Variants in ALPK1 observed in about 807,000 individuals in gnomAD.
The protein encoded by ALPK1 is alpha kinase 1.
A neutral mutation model predicts 120.6 loss-of-function variants in ALPK1; 110 were observed. The observed-to-expected ratio is 0.91, with a 90% CI of 0.78 to 1.07. ALPK1 has a LOEUF of 1.07. Among genes scored for constraint, ALPK1 ranks in the 50% least tolerant of loss-of-function variants. The pLI is 0.00. For missense variants in ALPK1, 1,498 were observed against 1,483.9 expected, an observed-to-expected ratio of 1.01 and a Z score of -0.16; for synonymous variants, 582 against 560.3, an observed-to-expected ratio of 1.04 and a Z score of -0.55.
intron 2 of ALPK1, among the ~76,000 whole-genome samples, chr4:112,376,608 C>T (rs1413725695): frequency 6.6e-6 from 1 of 152,184 alleles, no homozygotes; most frequent in Non-Finnish European, 1.5e-5. Context: ...GTTAAGAAAC[C>T]ATTGGCTAGT....
intron 2 of ALPK1, among the ~76,000 whole-genome samples, chr4:112,362,945 CA>C (rs1347765715): frequency 2.6e-5 from 4 of 152,248 alleles, no homozygotes; most frequent in East Asian, 3.9e-4. Flanking sequence ...CCTCCTTAAA[CA>C]AAACAGTTGT....
intron 5 of ALPK1, among the ~76,000 whole-genome samples, chr4:112,422,788 T>C (rs1345442950): frequency 6.6e-6 from 1 of 152,238 alleles, no homozygotes; most frequent in Non-Finnish European, 1.5e-5. Context: ...GGCTGCCAGC[T>C]AAGAGCCAAG....
chr4:112,415,704 T>A (rs58390535), intron 5 of ALPK1, among the ~76,000 whole-genome samples: 2,606 of 151,692 alleles, frequency 0.017, 72 homozygotes, highest in African/African-American at 0.059. Context: ...GATGGGGAAT[T>A]CCCCACAGAA....
At chr4:112,368,326 A>G (rs1406409630) in intron 2 of ALPK1, among the ~76,000 whole-genome samples, 1 of 152,180 alleles carries the variant, frequency 6.6e-6, no homozygotes, top group Non-Finnish European at 1.5e-5. Flanking sequence ...TGCTTTCTCT[A>G]TAGCTTATGC....
At chr4:112,308,314 G>A (rs1728214713) in intron 1 of ALPK1, among the ~76,000 whole-genome samples, 2 of 152,072 alleles carry the variant, frequency 1.3e-5, no homozygotes, top group Admixed American at 1.3e-4. Context: ...GGTTGGGGAA[G>A]TTGTCCTGGA....
Position 112,439,884 on chromosome 4 carries a change from T to C in ALPK1, c.3538+12T>C. The C allele has an allele frequency of 6.4e-7, 1 of 1,563,590 alleles. No individual in the cohort carries two copies. The highest frequency in any genetic ancestry group is 2.3e-5 in the East Asian group (1 of 43,686). The stretch of plus-strand genomic sequence containing the variant: ...GGTCGATTTACAAGGTATGTGAAAC[T>C]GGGAATTATTTTTATTTTTAATATT... On this transcript the variant is annotated intron_variant, in intron 14 of 15. Coordinates refer to ENST00000650871, the MANE Select transcript of ALPK1 (RefSeq NM_025144.4).
chr4:112,333,403 A>G (rs944943559), intron 2 of ALPK1, among the ~76,000 whole-genome samples: 4 of 152,252 alleles, frequency 2.6e-5, no homozygotes, highest in African/African-American at 9.6e-5. Context: ...GAACATAATT[A>G]GGAGTGATAC....
At chr4:112,378,273 C>T (rs1578516453) in intron 3 of ALPK1, among the ~76,000 whole-genome samples, 2 of 152,062 alleles carry the variant, frequency 1.3e-5, no homozygotes, top group Non-Finnish European at 2.9e-5. Context: ...GATTTTTTGC[C>T]TCATCGGTTT....
At chr4:112,365,533 A>G (rs1250900731) in intron 2 of ALPK1, among the ~76,000 whole-genome samples, 4 of 152,186 alleles carry the variant, frequency 2.6e-5, no homozygotes, top group African/African-American at 7.2e-5. Context: ...AGAAAACTAC[A>G]AAACACTGCT....
chr4:112,360,138 A>G (rs1230399767), intron 2 of ALPK1, among the ~76,000 whole-genome samples: 2 of 151,968 alleles, frequency 1.3e-5, no homozygotes, highest in East Asian at 3.9e-4. Context: ...TGAATTCAAC[A>G]TTTTTAGATT....
intron 4 of ALPK1, among the ~76,000 whole-genome samples, chr4:112,407,055 G>A (rs1733211705): frequency 6.6e-6 from 1 of 152,168 alleles, no homozygotes; most frequent in Admixed American, 6.5e-5. Flanking sequence ...CCTGTCTTGT[G>A]TTATAGGAGT....
chr4:112,310,325 C>T (rs1008048114), intron 1 of ALPK1, among the ~76,000 whole-genome samples: 1 of 152,088 alleles, frequency 6.6e-6, no homozygotes, highest in Non-Finnish European at 1.5e-5. Flanking sequence ...AAGGTTGTAA[C>T]ATTTGAGAGG....
intron 4 of ALPK1, chr4:112,383,554 G>T (rs1732018427): frequency 1.3e-5 from 2 of 152,120 alleles, no homozygotes; most frequent in Non-Finnish European, 2.9e-5. Context: ...AACAAAACAG[G>T]TTAAGCAGAC....
At chr4:112,406,422 C>T (rs911527897) in intron 4 of ALPK1, among the ~76,000 whole-genome samples, 2 of 152,150 alleles carry the variant, frequency 1.3e-5, no homozygotes, top group Non-Finnish European at 1.5e-5. Context: ...AAGTGGTCAA[C>T]TTCATAGAAG....
At chr4:112,366,333 TAAAC>T (rs1312047638) in intron 2 of ALPK1, among the ~76,000 whole-genome samples, 1 of 150,088 alleles carries the variant, frequency 6.7e-6, no homozygotes, top group African/African-American at 2.5e-5. Flanking sequence ...AATCTACAAA[TAAAC>T]AAATCACCAA....
chr4:112,347,266 A>G (rs1158535156), intron 2 of ALPK1, among the ~76,000 whole-genome samples: 3 of 152,254 alleles, frequency 2.0e-5, no homozygotes, highest in Non-Finnish European at 4.4e-5. Flanking sequence ...GTGGTCTCAC[A>G]TAAAACCACA....
chr4:112,313,775 T>C (rs1728520090), intron 1 of ALPK1, among the ~76,000 whole-genome samples: 1 of 152,122 alleles, frequency 6.6e-6, no homozygotes, highest in Non-Finnish European at 1.5e-5. Flanking sequence ...AACATGGAGT[T>C]GATCAGTGAC....
intron 8 of ALPK1, 64 bp downstream of exon 8, chr4:112,426,607 T>A: frequency 3.1e-6 from 4 of 1,305,350 alleles, no homozygotes; most frequent in Non-Finnish European, 4.1e-6. Flanking sequence ...TATCTCTTCA[T>A]GACAGAAGTC....
At chr4:112,438,458 G>A in intron 12 of ALPK1, 26 bp from the exon 13 acceptor site, 2 of 1,607,332 alleles carry the variant, frequency 1.2e-6, no homozygotes, top group African/African-American at 1.3e-5. Context: ...TTTGCATTTT[G>A]TTGTGTGGAT....
Sources: allele counts gnomAD v4.1 joint callset (sites outside exome capture counted in the v4.1 genomes callset), GRCh38; gene constraint gnomAD v4.1.1; transcripts MANE v1.5; gene names NCBI Gene and HGNC (gene_info 2026-07-23, HGNC 2026-07-21).